SLIT2: variants seen among roughly 807,000 people sequenced by gnomAD.
SLIT2 encodes the protein slit guidance ligand 2, also known as slit homolog 2 protein.
SLIT2 carries 41 observed loss-of-function variants against 185.7 expected under a neutral mutation model. The ratio of observed to expected loss-of-function variants is 0.22; its 90% confidence interval spans 0.17 to 0.29. The LOEUF (loss-of-function observed/expected upper bound fraction) is 0.29. Ranked by LOEUF, SLIT2 falls within the 10% of genes least tolerant of loss-of-function variation. SLIT2 has a pLI of 1.00. For synonymous variants in SLIT2, 693 were observed against 680.2 expected (o/e 1.02, Z -0.29); for missense variants, 1,571 against 1,909.0 (o/e 0.82, Z 3.30).
intron 4 of SLIT2, among the ~76,000 whole-genome samples, chr4:20,351,599 T>C (rs1027624606): frequency 5.9e-5 from 9 of 152,028 alleles, no homozygotes; most frequent in African/African-American, 2.2e-4. Flanking sequence ...CAACCTCCAC[T>C]TACAAAGATG....
intron 11 of SLIT2, among the ~76,000 whole-genome samples, chr4:20,516,954 G>A (rs1720269317): frequency 6.6e-6 from 1 of 151,998 alleles, no homozygotes; most frequent in South Asian, 2.1e-4. Context: ...CTTAAAGAAA[G>A]CAGTGATTTA....
intron 30 of SLIT2, among the ~76,000 whole-genome samples, chr4:20,590,700 G>A (rs367963531): frequency 1.6e-4 from 24 of 152,250 alleles, no homozygotes; most frequent in African/African-American, 2.6e-4. Context: ...ATGAAATTAC[G>A]TGATTTCTTT....
In SLIT2 at chr4:20,350,519, T is replaced by A. The variant is rs116177902; in HGVS notation, c.395+81638T>A. Reference sequence around the variant, plus strand: ...GATCCCGCATCATCTGATGGCCCTATCATTACTGCTTATTTTGCAGAATAA... The same window carrying A: ...GATCCCGCATCATCTGATGGCCCTAACATTACTGCTTATTTTGCAGAATAA... On this transcript the variant is annotated intron_variant, in intron 4 of 36. Transcript: ENST00000504154. Among the ~76,000 whole-genome samples the A allele has an allele frequency of 5.2e-3, 787 of 152,290 alleles. 5 individuals carry two copies. Among genetic ancestry groups the A allele is most frequent in the African/African-American group, 0.018 (750 of 41,550 alleles).
intron 24 of SLIT2, among the ~76,000 whole-genome samples, chr4:20,550,607 A>C (rs1005367203): frequency 2.6e-5 from 4 of 151,994 alleles, no homozygotes; most frequent in East Asian, 3.9e-4. Context: ...TTTTATTTTT[A>C]CATTTAATTC....
intron 4 of SLIT2, among the ~76,000 whole-genome samples, chr4:20,296,177 A>T (rs1716459212): frequency 6.6e-6 from 1 of 152,234 alleles, no homozygotes. Context: ...TATCTGTGTA[A>T]ACAGAGACAT....
intron 11 of SLIT2, among the ~76,000 whole-genome samples, chr4:20,518,559 A>G (rs71607025): frequency 0.35 from 2,998 of 8,682 alleles, 378 homozygotes; most frequent in Admixed American, 0.39. Context: ...GCCTATATGT[A>G]TATATATATA....
At chr4:20,297,796 C>G (rs1716633706) in intron 4 of SLIT2, among the ~76,000 whole-genome samples, 1 of 152,114 alleles carries the variant, frequency 6.6e-6, no homozygotes. Flanking sequence ...AAGAGGAGAT[C>G]AACACATGAA....
chr4:20,431,066 C>A (rs1317759957), intron 4 of SLIT2, among the ~76,000 whole-genome samples: 1 of 151,794 alleles, frequency 6.6e-6, no homozygotes, highest in African/African-American at 2.4e-5. Context: ...AGCCTGAGAT[C>A]CGATCTAAGG....
chr4:20,613,569 C>A (rs1729409822), intron 34 of SLIT2, among the ~76,000 whole-genome samples: 1 of 152,212 alleles, frequency 6.6e-6, no homozygotes, highest in South Asian at 2.1e-4. Context: ...AAGCTTAATT[C>A]CTGGGTGCTG....
At position 20,556,392 on chromosome 4, in the gene SLIT2, T is replaced by A. The variant is rs532153340; in HGVS notation, c.2725+2424T>A. 3.9e-3 allele frequency among the ~76,000 whole-genome samples: 599 copies of A among 152,186 alleles called. 10 individuals are homozygous for A. Among genetic ancestry groups the A allele is most frequent in the African/African-American group, 0.014 (562 of 41,460 alleles). ...TTTCTGTGCCCAGCGATACTCATAC[T>A]TTATTTTCAATAATGCTAATGCTTA... On this transcript the variant is annotated intron_variant, in intron 26 of 36. Transcript: ENST00000504154.
chr4:20,508,685 G>C (rs1235958342), intron 9 of SLIT2, among the ~76,000 whole-genome samples: 2 of 152,020 alleles, frequency 1.3e-5, no homozygotes, highest in Admixed American at 6.6e-5. Flanking sequence ...AAAACTCCCT[G>C]ATCTGAGTAG....
At chr4:20,358,793 C>T (rs1722529393) in intron 4 of SLIT2, among the ~76,000 whole-genome samples, 1 of 152,092 alleles carries the variant, frequency 6.6e-6, no homozygotes, top group Admixed American at 6.6e-5. Context: ...TTTCTGATAG[C>T]ATATACAGCA....
intron 4 of SLIT2, among the ~76,000 whole-genome samples, chr4:20,307,429 A>C (rs191825237): frequency 6.4e-4 from 97 of 151,610 alleles, no homozygotes; most frequent in African/African-American, 2.2e-3. Flanking sequence ...CACTCGGATA[A>C]ATTCTTAATT....
At chr4:20,458,110 G>A (rs1354541517) in intron 4 of SLIT2, among the ~76,000 whole-genome samples, 1 of 145,642 alleles carries the variant, frequency 6.9e-6, no homozygotes, top group Admixed American at 6.8e-5. Flanking sequence ...AAAAAAAGAG[G>A]TTTTAGAGTG....
At chr4:20,469,631 T>A (rs1714746018) in intron 5 of SLIT2, among the ~76,000 whole-genome samples, 1 of 151,692 alleles carries the variant, frequency 6.6e-6, no homozygotes, top group Admixed American at 6.6e-5. Flanking sequence ...GTTAGATGAG[T>A]TTTTTTAAAA....
At chr4:20,355,612 A>G (rs192735119) in intron 4 of SLIT2, among the ~76,000 whole-genome samples, 12 of 152,274 alleles carry the variant, frequency 7.9e-5, no homozygotes, top group Admixed American at 7.8e-4. Context: ...TGTATGAAGC[A>G]CATATGAAAT....
chr4:20,474,295 C>G lies in SLIT2; in HGVS notation c.468-6421C>G, dbSNP rs79272545. Among the ~76,000 whole-genome samples the G allele has an allele frequency of 6.8e-3, 1,036 of 152,034 alleles. 12 individuals carry two copies. The highest frequency in any genetic ancestry group is 0.024 in the African/African-American group (993 of 41,502). ...AAAAATTAGTAGCTCAGCAGATGTC[C>G]CCATCAGTACTATGGGAACTGTCCA... On this transcript the variant is annotated intron_variant, in intron 5 of 36. Transcript: ENST00000504154.
intron 29 of SLIT2, among the ~76,000 whole-genome samples, chr4:20,589,192 A>G (rs1483257542): frequency 6.6e-6 from 1 of 151,874 alleles, no homozygotes; most frequent in Non-Finnish European, 1.5e-5. Flanking sequence ...GACCGGGGGG[A>G]AGGCTTCTGG....
intron 32 of SLIT2, among the ~76,000 whole-genome samples, chr4:20,597,967 C>T (rs1011012095): frequency 6.6e-6 from 1 of 152,110 alleles, no homozygotes; most frequent in African/African-American, 2.4e-5. Context: ...AAGCTTATAA[C>T]GGGAGCAAAA....
Sources: allele counts gnomAD v4.1 joint callset (sites outside exome capture counted in the v4.1 genomes callset), GRCh38; gene constraint gnomAD v4.1.1; transcripts MANE v1.5; gene names NCBI Gene and HGNC (gene_info 2026-07-23, HGNC 2026-07-21).